Variants in HNF4G observed in about 807,000 individuals in gnomAD.
HNF4G encodes the protein hepatocyte nuclear factor 4 gamma.
A neutral mutation model predicts 50.9 loss-of-function variants in HNF4G; 21 were observed. The ratio of observed to expected loss-of-function variants is 0.41; its 90% CI spans 0.29 to 0.59. HNF4G has a LOEUF of 0.59. Among genes scored for constraint, HNF4G ranks in the 20% least tolerant of loss-of-function variants. The pLI, the probability that HNF4G is intolerant of heterozygous loss-of-function variation, is 0.26. For missense variants in HNF4G, 527 were observed against 559.4 expected (o/e 0.94, Z 0.58); for synonymous variants, 198 against 185.6 (o/e 1.07, Z -0.54).
At chr8:75,422,043 A>T (rs2130491800) in intron 1 of HNF4G, among the ~76,000 whole-genome samples, 1 of 152,284 alleles carries the variant, frequency 6.6e-6, no homozygotes, top group Non-Finnish European at 1.5e-5. Flanking sequence ...AAAGAACTTT[A>T]GGGGAAAGAT....
chr8:75,483,264 T>TA (rs397815073), intron 1 of HNF4G, among the ~76,000 whole-genome samples: 11 of 152,190 alleles, frequency 7.2e-5, no homozygotes, highest in Non-Finnish European at 1.0e-4. Flanking sequence ...ATTTTTTTTT[T>TA]AAATTTTATC....
chr8:75,422,204 G>A (rs1563499721), intron 1 of HNF4G, among the ~76,000 whole-genome samples: 1 of 152,200 alleles, frequency 6.6e-6, no homozygotes, highest in Non-Finnish European at 1.5e-5. Flanking sequence ...TCTAGGTCCA[G>A]ATGACAGACT....
chr8:75,409,218 G>A lies in HNF4G; in HGVS notation c.-144+1056G>A, dbSNP rs80275531. On this transcript the variant is annotated intron_variant, in intron 1 of 10. Coordinates refer to the HNF4G transcript ENST00000354370. Reference sequence around the variant, plus strand: ...CTGCTCATTTTTCACTTTTCAAAATGGAGTGGAAAATTGAGAGCCGTTTGT... The same window carrying A: ...CTGCTCATTTTTCACTTTTCAAAATAGAGTGGAAAATTGAGAGCCGTTTGT... Among the ~76,000 whole-genome samples the A allele has an allele frequency of 1.5e-3, 225 of 152,176 alleles. 1 individual carries two copies. Among genetic ancestry groups the A allele is most frequent in the African/African-American group, 5.1e-3 (211 of 41,500 alleles).
intron 4 of HNF4G, among the ~76,000 whole-genome samples, chr8:75,552,521 G>T (rs1806988952): frequency 6.6e-6 from 1 of 152,016 alleles, no homozygotes. Flanking sequence ...TCACACATTG[G>T]TTTTTTAATT....
intron 1 of HNF4G, among the ~76,000 whole-genome samples, chr8:75,430,493 AGAGAGAGAGG>A (rs1275792746): frequency 2.1e-5 from 3 of 146,266 alleles, no homozygotes; most frequent in African/African-American, 7.9e-5. Flanking sequence ...AGAGAGAGAG[AGAGAGAGAGG>A]GAGAGAGAGA....
chr8:75,511,124 C>G (rs560713405), intron 2 of HNF4G, among the ~76,000 whole-genome samples: 1 of 152,068 alleles, frequency 6.6e-6, no homozygotes, highest in South Asian at 2.1e-4. Flanking sequence ...TTATTATATT[C>G]TAAAAGCCTT....
At chr8:75,451,758 T>C (rs1395003977) in intron 1 of HNF4G, among the ~76,000 whole-genome samples, 4 of 152,222 alleles carry the variant, frequency 2.6e-5, no homozygotes, top group Admixed American at 2.6e-4. Context: ...TTGTAGTAGA[T>C]TTTAAAATCA....
chr8:75,420,595 C>A (rs570463663), intron 1 of HNF4G, among the ~76,000 whole-genome samples: 119 of 152,314 alleles, frequency 7.8e-4, no homozygotes, highest in African/African-American at 2.8e-3. Flanking sequence ...TCCTTCCAAA[C>A]CCTTCCCCGA....
chr8:75,499,714 A>T (rs955259804), intron 2 of HNF4G, among the ~76,000 whole-genome samples: 1 of 151,992 alleles, frequency 6.6e-6, no homozygotes, highest in African/African-American at 2.4e-5. Context: ...TAGAATTTAG[A>T]GTCCAGTGGG....
intron 2 of HNF4G, among the ~76,000 whole-genome samples, chr8:75,503,467 A>G (rs1812985435): frequency 6.6e-6 from 1 of 152,190 alleles, no homozygotes; most frequent in Non-Finnish European, 1.5e-5. Context: ...TTCCAGTGAG[A>G]GATGTTGTCA....
At chr8:75,556,154 A>G (rs1225101212) in intron 6 of HNF4G, 85 bp downstream of exon 6, 2 of 570,326 alleles carry the variant, frequency 3.5e-6, no homozygotes, top group Non-Finnish European at 5.9e-6. Context: ...GTATGTACCA[A>G]GTATTTACAG....
chr8:75,545,358 T>C (rs1440322261), intron 2 of HNF4G, among the ~76,000 whole-genome samples: 2 of 151,970 alleles, frequency 1.3e-5, no homozygotes, highest in African/African-American at 4.8e-5. Flanking sequence ...CCTTTCTTTA[T>C]GGGAAGAGTG....
chr8:75,483,514 T>C (rs929160983), intron 1 of HNF4G, among the ~76,000 whole-genome samples: 1 of 152,190 alleles, frequency 6.6e-6, no homozygotes, highest in Non-Finnish European at 1.5e-5. Context: ...AGTGAGGCCA[T>C]TTCTTTTCTC....
At chr8:75,500,063 A>T (rs1812886040) in intron 2 of HNF4G, among the ~76,000 whole-genome samples, 1 of 152,154 alleles carries the variant, frequency 6.6e-6, no homozygotes, top group South Asian at 2.1e-4. Context: ...TTCAAAAGAC[A>T]TTATCAAGAA....
intron 1 of HNF4G, among the ~76,000 whole-genome samples, chr8:75,475,726 T>C (rs1242317982): frequency 6.6e-6 from 1 of 152,170 alleles, no homozygotes; most frequent in Non-Finnish European, 1.5e-5. Flanking sequence ...TTTTCATTTA[T>C]TGTTTTTATT....
At chr8:75,465,650 T>C (rs1811951702) in intron 1 of HNF4G, among the ~76,000 whole-genome samples, 1 of 149,880 alleles carries the variant, frequency 6.7e-6, no homozygotes, top group Non-Finnish European at 1.5e-5. Context: ...AACAAAAGTA[T>C]GAAATAAAAA....
chr8:75,530,056 A>G (rs1392562116), intron 2 of HNF4G, among the ~76,000 whole-genome samples: 1 of 152,078 alleles, frequency 6.6e-6, no homozygotes, highest in Non-Finnish European at 1.5e-5. Flanking sequence ...CTTGTGCCAC[A>G]GGATCCTGGA....
At chr8:75,420,772 T>C (rs899273732) in intron 1 of HNF4G, among the ~76,000 whole-genome samples, 2 of 152,178 alleles carry the variant, frequency 1.3e-5, no homozygotes, top group Non-Finnish European at 2.9e-5. Flanking sequence ...GTTGAGTGGA[T>C]ATTGTCACAG....
chr8:75,501,269 A>G (rs1173327012), intron 2 of HNF4G, among the ~76,000 whole-genome samples: 1 of 152,064 alleles, frequency 6.6e-6, no homozygotes, highest in Non-Finnish European at 1.5e-5. Flanking sequence ...GGGAGATCGT[A>G]TCTCTACAAA....
Sources: allele counts gnomAD v4.1 joint callset (sites outside exome capture counted in the v4.1 genomes callset), GRCh38; gene constraint gnomAD v4.1.1; transcripts MANE v1.5; gene names NCBI Gene and HGNC (gene_info 2026-07-23, HGNC 2026-07-21).